Variants in SORT1 observed in about 807,000 individuals in gnomAD.
SORT1 encodes sortilin 1.
In SORT1, 39 loss-of-function variants were observed where a neutral mutation model predicts 101.7. The ratio of observed to expected loss-of-function variants is 0.38; its 90% CI spans 0.30 to 0.50. The LOEUF (loss-of-function observed/expected upper bound fraction) is 0.50. Ranked by LOEUF, SORT1 falls within the 20% of genes least tolerant of loss-of-function variation. SORT1 has a pLI of 0.90. For missense variants in SORT1, 878 were observed against 1,040.4 expected (o/e 0.84, Z 2.15); for synonymous variants, 396 against 393.7 (o/e 1.01, Z -0.07).
rs1188891479 is a variant in SORT1 at position 109,326,484 on chromosome 1, CAT to C, written c.1643+506_1643+507del. Among the ~76,000 whole-genome samples the C allele has an allele frequency of 1.7e-3, 149 of 87,828 alleles. 2 individuals carry two copies. The Middle Eastern group carries it at 0.029, about 17-fold the overall frequency. 57.6% of individuals were successfully genotyped at this position (87,828 alleles called of 152,430 possible). A position where few individuals can be genotyped will look rare whatever the true frequency, so the allele number is the denominator to read the frequency against. ...ATATATACATACACACACACACACA[CAT>C]ATATATACACACATATATACACACA... On this transcript the variant is annotated intron_variant, in intron 13 of 19. Coordinates refer to ENST00000256637, the MANE Select transcript of SORT1 (RefSeq NM_002959.7).
chr1:109,394,083 T>C (rs753706125), intron 1 of SORT1, among the ~76,000 whole-genome samples: 4 of 152,320 alleles, frequency 2.6e-5, no homozygotes, highest in East Asian at 3.9e-4. Context: ...GGCAGTGCTA[T>C]ACCACCTTAC....
chr1:109,318,216 T>C (rs1372084454), intron 15 of SORT1, among the ~76,000 whole-genome samples: 6 of 148,082 alleles, frequency 4.1e-5, no homozygotes, highest in African/African-American at 1.5e-4. Flanking sequence ...TGCAGTGGCG[T>C]GTTCTTGGCT....
intron 3 of SORT1, among the ~76,000 whole-genome samples, chr1:109,357,984 G>A (rs1650444662): frequency 6.6e-6 from 1 of 152,208 alleles, no homozygotes; most frequent in Admixed American, 6.5e-5. Flanking sequence ...GAAGCAGCCT[G>A]ATTAGTACTA....
Position 109,397,680 on chromosome 1 carries a change from G to A in SORT1, c.213C>T (p.Arg71=), listed in dbSNP as rs1653277604. The change falls in exon 1 of 20, where the codon CGC becomes CGT. Residue 71 remains arginine, a synonymous_variant. Transcript: ENST00000256637. The part of the protein sequence containing the change: ...RAAAAGGAFP[R]GGRWRRSAPG... ...GCGCGCTGCGACGCCAACGGCCGCC[G>A]CGGGGAAACGCGCCCCCGGCTGCGG... The A allele has an allele frequency of 1.7e-6, 2 of 1,198,478 alleles. No individual in the cohort carries two copies. Among genetic ancestry groups the A allele is most frequent in the South Asian group, 2.5e-5 (1 of 40,662 alleles). The allele number at this position is 1,198,478 out of a possible 1,614,324, so 74.2% of individuals were successfully genotyped here. A position where few individuals can be genotyped will look rare whatever the true frequency, so the allele number is the denominator to read the frequency against.
At position 109,350,829 on chromosome 1, in the gene SORT1, T is replaced by C. The variant is rs565885248; in HGVS notation, c.782+100A>G. 30 of 836,030 alleles carry C rather than the reference T, an allele frequency of 3.6e-5. No homozygotes were observed. The African/African-American group carries it at 4.7e-4, about 13-fold the overall frequency. 51.8% of individuals were successfully genotyped at this position (836,030 alleles called of 1,614,324 possible). ...TCTCTTATGGCACCCTGAAGAGTAC[T>C]TGGCACACAGTAAGTGCTCAATATT... On this transcript the variant is annotated intron_variant, in intron 6 of 19. Transcript: ENST00000256637.
At chr1:109,355,975 G>A (rs1179138031) in intron 3 of SORT1, among the ~76,000 whole-genome samples, 1 of 152,034 alleles carries the variant, frequency 6.6e-6, no homozygotes, top group Non-Finnish European at 1.5e-5. Context: ...AGGCTCAAGT[G>A]ATTCTCCAGC....
chr1:109,376,203 G>A (rs1206769153), intron 1 of SORT1, among the ~76,000 whole-genome samples: 2 of 151,728 alleles, frequency 1.3e-5, no homozygotes, highest in South Asian at 2.1e-4. Context: ...GGCGGCGGGC[G>A]CCTGTAGTCC....
chr1:109,354,011 G>C (rs1650139027), intron 5 of SORT1, among the ~76,000 whole-genome samples: 1 of 152,190 alleles, frequency 6.6e-6, no homozygotes, highest in South Asian at 2.1e-4. Context: ...GATGTTGTTT[G>C]ATCATAGAAA....
intron 11 of SORT1, among the ~76,000 whole-genome samples, chr1:109,328,942 A>G (rs1648264764): frequency 6.6e-6 from 1 of 152,118 alleles, no homozygotes; most frequent in Admixed American, 6.5e-5. Context: ...CTGCAGATCT[A>G]CTTACCGGGC....
rs1218897646 is a variant in SORT1, at chr1:109,311,344, A to G, written c.*2699T>C. 1 of 152,170 alleles carries G rather than the reference A, an allele frequency of 6.6e-6. No individual in the cohort carries two copies. Among genetic ancestry groups the G allele is most frequent in the African/African-American group, 2.4e-5 (1 of 41,462 alleles). 9.4% of individuals were successfully genotyped at this position (152,170 alleles called of 1,614,324 possible). Reference sequence around the variant, plus strand: ...CTGGGAGTTTACACAATGATACACTATGTTTTACCTTCAAAGATAATGCTC... The same window carrying G: ...CTGGGAGTTTACACAATGATACACTGTGTTTTACCTTCAAAGATAATGCTC... On this transcript the variant is annotated 3_prime_UTR_variant, in exon 20 of 20. Transcript: ENST00000256637.
chr1:109,355,308 C>T, intron 4 of SORT1, 59 bp downstream of exon 4: 1 of 844,708 alleles, frequency 1.2e-6, no homozygotes, highest in South Asian at 1.3e-5. Flanking sequence ...ATACTAATAT[C>T]TGACAGCTCT....
At chr1:109,329,297 A>T (rs1386451014) in intron 11 of SORT1, among the ~76,000 whole-genome samples, 1 of 152,208 alleles carries the variant, frequency 6.6e-6, no homozygotes, top group Non-Finnish European at 1.5e-5. Context: ...TCTGCCACCC[A>T]GGCTGGAGTG....
At position 109,397,901 on chromosome 1, in the gene SORT1, A is replaced by AATGCCGCCGACGCCGACAC; in HGVS notation, c.-10_-9insGTGTCGGCGTCGGCGGCAT. On this transcript the variant is annotated 5_prime_UTR_variant, in exon 1 of 20. The change creates a new upstream start codon in the 5' untranslated region. Transcript: ENST00000256637. Reference sequence around the variant, plus strand: ...CCCCAGGGCCGCTCCATCGCCGCCGAATGCCGCCGACGCCGACACCTGCCG... The same window carrying AATGCCGCCGACGCCGACAC: ...CCCCAGGGCCGCTCCATCGCCGCCGAATGCCGCCGACGCCGACACATGCCGCCGACGCCGACACCTGCCG... 1 of 1,151,450 alleles carries AATGCCGCCGACGCCGACAC rather than the reference A, an allele frequency of 8.7e-7. No individual in the cohort carries two copies. Among genetic ancestry groups the AATGCCGCCGACGCCGACAC allele is most frequent in the Middle Eastern group, 3.6e-4 (1 of 2,740 alleles). The allele number at this position is 1,151,450 out of a possible 1,614,324, so 71.3% of individuals were successfully genotyped here.
chr1:109,314,019 G>T lies in SORT1; in HGVS notation c.*24C>A, dbSNP rs779321674. On this transcript the variant is annotated 3_prime_UTR_variant, in exon 20 of 20. Coordinates refer to ENST00000256637, the MANE Select transcript of SORT1 (RefSeq NM_002959.7). Reference sequence around the variant, plus strand: ...GAGGTACTGTGGTTCCACCATCCATGCTGGGTCCAGCTCCTCTGAAGAGCT... The same window carrying T: ...GAGGTACTGTGGTTCCACCATCCATTCTGGGTCCAGCTCCTCTGAAGAGCT... The T allele has an allele frequency of 1.2e-6, 2 of 1,612,768 alleles. No homozygotes were observed. The highest frequency in any genetic ancestry group is 4.5e-5 in the East Asian group (2 of 44,870).
rs111715337 is a variant in SORT1, at chr1:109,396,256, C to A, written c.306+1331G>T. On this transcript the variant is annotated intron_variant, in intron 1 of 19. Coordinates refer to ENST00000256637, the MANE Select transcript of SORT1 (RefSeq NM_002959.7). The stretch of plus-strand genomic sequence containing the variant: ...GCAGACCTAAAGTTAGGTCAACCAG[C>A]GAGAGAAGAATTTGAAATATGGAGC... Among the ~76,000 whole-genome samples the A allele has an allele frequency of 5.0e-3, 764 of 152,138 alleles. 10 individuals are homozygous for A. The highest frequency in any genetic ancestry group is 0.018 in the African/African-American group (733 of 41,498).
Position 109,397,611 on chromosome 1 carries a change from G to T in SORT1, c.282C>A (p.Ala94=). 7.8e-7 allele frequency: 1 copy of T among 1,283,758 alleles called. No homozygotes were observed. Among genetic ancestry groups the T allele is most frequent in the Non-Finnish European group, 1.0e-6 (1 of 1,002,434 alleles). The allele number at this position is 1,283,758 out of a possible 1,614,324, so 79.5% of individuals were successfully genotyped here. ...CCTGGTGCGTGTTGTTGGCCAGCTT[G>T]GCGACGAAGTCCCGGACCCGGCCGC... The part of the protein sequence containing the change: ...EECGRVRDFV[A]KLANNTHQHV... The change falls in exon 1 of 20, where the codon GCC becomes GCA. Residue 94 remains alanine (A), a synonymous_variant. Transcript: ENST00000256637.
chr1:109,347,277 A>G (rs1649668629), intron 7 of SORT1, among the ~76,000 whole-genome samples: 1 of 152,202 alleles, frequency 6.6e-6, no homozygotes, highest in Non-Finnish European at 1.5e-5. Flanking sequence ...TATTGCCTCT[A>G]CGTATAGCCT....
chr1:109,353,802 G>A (rs985746325), intron 5 of SORT1, among the ~76,000 whole-genome samples: 1 of 152,176 alleles, frequency 6.6e-6, no homozygotes, highest in Non-Finnish European at 1.5e-5. Flanking sequence ...CTCCAGGAAA[G>A]GAGAAGCTGA....
In SORT1 at chr1:109,381,870, G is replaced by GA. The variant is rs59107584; in HGVS notation, c.307-12282dup. ...CAGAGCAAGATTGTCCCTTAAAAAA[G>GA]AAAAAAAAAAGGTATCTGGAAGGAT... On this transcript the variant is annotated intron_variant, in intron 1 of 19. Transcript: ENST00000256637. Among the ~76,000 whole-genome samples the GA allele has an allele frequency of 2.7e-3, 379 of 140,984 alleles. 2 individuals carry two copies. The highest frequency in any genetic ancestry group is 7.0e-3 in the African/African-American group (269 of 38,650). The allele number at this position is 140,984 out of a possible 152,430, so 92.5% of individuals were successfully genotyped here. A position where few individuals can be genotyped will look rare whatever the true frequency, so the allele number is the denominator to read the frequency against.
Sources: gnomAD v4.1 joint callset for allele counts (sites outside exome capture counted in the v4.1 genomes callset) on GRCh38, gnomAD v4.1.1 for gene constraint, MANE v1.5 for transcripts, NCBI Gene and HGNC (gene_info 2026-07-23, HGNC 2026-07-21) for gene names.